BTBD7: variants seen among roughly 807,000 people sequenced by gnomAD.
The protein encoded by BTBD7 is BTB/POZ domain-containing protein 7.
BTBD7 carries 38 observed loss-of-function variants against 99.9 expected under a neutral mutation model. The ratio of observed to expected loss-of-function variants is 0.38; its 90% CI spans 0.29 to 0.50. The LOEUF (loss-of-function observed/expected upper bound fraction) is 0.50, where lower values mean the gene tolerates loss of function less well. Ranked by LOEUF, BTBD7 falls within the 20% of genes least tolerant of loss-of-function variation. The pLI is 0.93. For synonymous variants in BTBD7, 520 were observed against 511.4 expected, an observed-to-expected ratio of 1.02 and a Z score of -0.23; for missense variants, 1,170 against 1,394.6, an observed-to-expected ratio of 0.84 and a Z score of 2.57.
chr14:93,261,342 C>T (rs1006545824), intron 5 of BTBD7, among the ~76,000 whole-genome samples: 3 of 152,092 alleles, frequency 2.0e-5, no homozygotes, highest in Admixed American at 6.5e-5. Flanking sequence ...AGTACTTCCA[C>T]GAATCAGTCA....
chr14:93,242,415 C>A lies in BTBD7; in HGVS notation c.3257G>T (p.Arg1086Ile). 1 of 1,614,242 alleles carries A rather than the reference C, an allele frequency of 6.2e-7. No individual in the cohort carries two copies. The highest frequency in any genetic ancestry group is 8.5e-7 in the Non-Finnish European group (1 of 1,180,044). ...SACSSEAPEE[R>I]SGRRLADSES... Reference sequence around the variant, plus strand: ...ACTGTCTGCCAGTCTTCTACCGGATCTCTCTTCGGGAGCTTCAGAGCTACA... The same window carrying A: ...ACTGTCTGCCAGTCTTCTACCGGATATCTCTTCGGGAGCTTCAGAGCTACA... The change falls in exon 11 of 11, where the codon AGA becomes ATA. Residue 1086 changes from arginine (R) to isoleucine (I), a missense_variant. By Grantham distance (97) the Arg-to-Ile change is moderately conservative (BLOSUM62 -3). Coordinates refer to ENST00000334746, the MANE Select transcript of BTBD7 (RefSeq NM_001002860.4).
intron 7 of BTBD7, 91 bp downstream of exon 7, chr14:93,253,556 T>A (rs960906322): frequency 1.1e-4 from 132 of 1,199,012 alleles, no homozygotes; most frequent in Non-Finnish European, 1.4e-4. Flanking sequence ...ATATAGGCTA[T>A]TTCCAAATAT....
rs1291284543 is a variant in BTBD7 at position 93,237,791 on chromosome 14, A to T, written c.*4482T>A. ...ACTATGTACAATTGAAGCGTAAACA[A>T]GTTTTACAAAGTACTGGTTATGCAG... On this transcript the variant is annotated 3_prime_UTR_variant, in exon 11 of 11. Coordinates refer to ENST00000334746, the MANE Select transcript of BTBD7 (RefSeq NM_001002860.4). The T allele has an allele frequency of 6.5e-6, 1 of 152,686 alleles. No homozygotes were observed. Among genetic ancestry groups the T allele is most frequent in the Non-Finnish European group, 1.5e-5 (1 of 68,050 alleles). The allele number at this position is 152,686 out of a possible 1,614,324, so 9.5% of individuals were successfully genotyped here. A position where few individuals can be genotyped will look rare whatever the true frequency, so the allele number is the denominator to read the frequency against.
intron 1 of BTBD7, among the ~76,000 whole-genome samples, chr14:93,329,028 C>G (rs548654553): frequency 1.3e-5 from 2 of 152,230 alleles, no homozygotes; most frequent in East Asian, 1.9e-4. Flanking sequence ...TCTAGGTAAG[C>G]TGGATTTCAT....
intron 1 of BTBD7, among the ~76,000 whole-genome samples, chr14:93,296,852 A>C (rs1311194967): frequency 6.6e-6 from 1 of 152,216 alleles, no homozygotes; most frequent in African/African-American, 2.4e-5. Context: ...ATTTAAATGG[A>C]CAGGCCAGTA....
In BTBD7 at chr14:93,237,655, A is replaced by G. The variant is rs1034544704; in HGVS notation, c.*4618T>C. 2 of 152,672 alleles carry G rather than the reference A, an allele frequency of 1.3e-5. No individual in the cohort carries two copies. The highest frequency in any genetic ancestry group is 4.8e-5 in the African/African-American group (2 of 41,454). 9.5% of individuals were successfully genotyped at this position (152,672 alleles called of 1,614,324 possible). On this transcript the variant is annotated 3_prime_UTR_variant, in exon 11 of 11. Transcript: ENST00000334746. ...AAATAGAAGCAGTGAAAACCTCTGT[A>G]CAACTGTAATGGTACTCAAAAGAGA...
intron 3 of BTBD7, among the ~76,000 whole-genome samples, chr14:93,267,565 C>A (rs1024545664): frequency 6.6e-6 from 1 of 152,218 alleles, no homozygotes; most frequent in African/African-American, 2.4e-5. Context: ...GACTTCCCAG[C>A]TGATAGCTCC....
chr14:93,253,202 C>G (rs2052388130), intron 7 of BTBD7, among the ~76,000 whole-genome samples: 1 of 152,132 alleles, frequency 6.6e-6, no homozygotes, highest in Non-Finnish European at 1.5e-5. Flanking sequence ...TGCATTTATT[C>G]TAAAACTAAA....
rs2053239757 is a variant in BTBD7 at position 93,319,043 on chromosome 14, A to G, written c.-107+13777T>C. On this transcript the variant is annotated intron_variant, in intron 1 of 10. Coordinates refer to ENST00000334746, the MANE Select transcript of BTBD7 (RefSeq NM_001002860.4). ...ATCAGCCTGGGCAACAGGCTGTTAC[A>G]AAAAAACAGAAAAATTCGCCAAGTG... 5.3e-5 allele frequency among the ~76,000 whole-genome samples: 8 copies of G among 152,090 alleles called. No homozygotes were observed. The South Asian group carries it at 1.7e-3, about 32-fold the overall frequency.
chr14:93,319,131 A>G (rs1041526798), intron 1 of BTBD7, among the ~76,000 whole-genome samples: 3 of 152,232 alleles, frequency 2.0e-5, no homozygotes, highest in Non-Finnish European at 4.4e-5. Context: ...ACTTGAGTCC[A>G]GGCATTTGAG....
Position 93,242,197 on chromosome 14 carries a change from T to C in BTBD7, c.*76A>G. 1.5e-6 allele frequency: 2 copies of C among 1,341,762 alleles called. No homozygotes were observed. Among genetic ancestry groups the C allele is most frequent in the East Asian group, 2.3e-5 (1 of 43,248 alleles). The allele number at this position is 1,341,762 out of a possible 1,614,324, so 83.1% of individuals were successfully genotyped here. A position where few individuals can be genotyped will look rare whatever the true frequency, so the allele number is the denominator to read the frequency against. On this transcript the variant is annotated 3_prime_UTR_variant, in exon 11 of 11. Coordinates refer to ENST00000334746, the MANE Select transcript of BTBD7 (RefSeq NM_001002860.4). ...GAGTTATCAGCTGGCATTGATGAAC[T>C]GGTCTGTAAGTTGTTGGGTTACATC...
At chr14:93,318,018 G>A (rs1020295316) in intron 1 of BTBD7, among the ~76,000 whole-genome samples, 2 of 152,172 alleles carry the variant, frequency 1.3e-5, no homozygotes, top group African/African-American at 2.4e-5. Flanking sequence ...TCCTCTGGAC[G>A]TTGCCCCATG....
intron 1 of BTBD7, among the ~76,000 whole-genome samples, chr14:93,300,440 T>C (rs1468974286): frequency 6.6e-6 from 1 of 151,866 alleles, no homozygotes; most frequent in Non-Finnish European, 1.5e-5. Flanking sequence ...GTATTTTTAG[T>C]AGGGACAGGG....
intron 1 of BTBD7, among the ~76,000 whole-genome samples, chr14:93,316,674 T>C (rs1219418172): frequency 6.6e-6 from 1 of 152,198 alleles, no homozygotes; most frequent in Non-Finnish European, 1.5e-5. Context: ...CTGGCAAATA[T>C]AGTAGGTGCT....
chr14:93,255,284 T>C (rs2052417011), intron 6 of BTBD7, among the ~76,000 whole-genome samples: 1 of 152,182 alleles, frequency 6.6e-6, no homozygotes, highest in Admixed American at 6.5e-5. Flanking sequence ...TAGCTGGGAC[T>C]ACAGGTGCAT....
At chr14:93,326,804 A>G (rs910381028) in intron 1 of BTBD7, among the ~76,000 whole-genome samples, 1 of 27,282 alleles carries the variant, frequency 3.7e-5, no homozygotes, top group Non-Finnish European at 5.8e-5. Flanking sequence ...ACTCTGTCTA[A>G]AAAAAAAAAA....
intron 1 of BTBD7, among the ~76,000 whole-genome samples, chr14:93,306,497 GAAGTCTA>G (rs2053072596): frequency 6.9e-6 from 1 of 145,716 alleles, no homozygotes; most frequent in Non-Finnish European, 1.5e-5. Flanking sequence ...AGAACATAAA[GAAGTCTA>G]AAAACAAAAG....
At chr14:93,329,874 G>A (rs1204374372) in intron 1 of BTBD7, among the ~76,000 whole-genome samples, 1 of 152,178 alleles carries the variant, frequency 6.6e-6, no homozygotes, top group Non-Finnish European at 1.5e-5. Flanking sequence ...CAGATGGATG[G>A]TGGTGATGGC....
intron 3 of BTBD7, among the ~76,000 whole-genome samples, chr14:93,289,851 C>CT (rs34820136): frequency 0.19 from 18,819 of 98,484 alleles, 2,413 homozygotes; most frequent in East Asian, 0.26. Flanking sequence ...ACTCTCTGGG[C>CT]TTTTTTTTTT....
Sources: gnomAD v4.1 joint callset for allele counts (sites outside exome capture counted in the v4.1 genomes callset) on GRCh38, gnomAD v4.1.1 for gene constraint, MANE v1.5 for transcripts, NCBI Gene and HGNC (gene_info 2026-07-23, HGNC 2026-07-21) for gene names.